SSH2: variants seen among roughly 807,000 people sequenced by gnomAD.
SSH2 encodes the protein protein phosphatase Slingshot homolog 2.
A neutral mutation model predicts 135.2 loss-of-function variants in SSH2; 37 were observed. The observed-to-expected ratio is 0.27, with a 90% CI of 0.21 to 0.36. The LOEUF (loss-of-function observed/expected upper bound fraction) is 0.36, where lower values mean the gene tolerates loss of function less well. Among genes scored for constraint, SSH2 ranks in the 10% least tolerant of loss-of-function variants. The pLI is 1.00. For missense variants in SSH2, 1,408 were observed against 1,765.3 expected, an observed-to-expected ratio of 0.80 and a Z score of 3.63; for synonymous variants, 628 against 646.2, an observed-to-expected ratio of 0.97 and a Z score of 0.43.
chr17:29,806,125 AGCATGCG>A (rs530345087), intron 2 of SSH2, among the ~76,000 whole-genome samples: 106 of 152,350 alleles, frequency 7.0e-4, no homozygotes, highest in African/African-American at 2.5e-3. Context: ...TGGGGCAGAC[AGCATGCG>A]GCACCCATCA....
At chr17:29,688,049 C>T (rs777458527) in intron 5 of SSH2, among the ~76,000 whole-genome samples, 1 of 150,284 alleles carries the variant, frequency 6.7e-6, no homozygotes, top group Non-Finnish European at 1.5e-5. Flanking sequence ...CTCACTCTAT[C>T]GCCCAGGCTG....
chr17:29,672,178 A>T, intron 8 of SSH2, 49 bp from the exon 9 acceptor site: 1 of 1,482,666 alleles, frequency 6.7e-7, no homozygotes, highest in Non-Finnish European at 9.3e-7. Flanking sequence ...GGGGTGCCAA[A>T]GGCCAATAAC....
At chr17:29,818,144 T>C (rs775334910) in intron 2 of SSH2, among the ~76,000 whole-genome samples, 3 of 152,250 alleles carry the variant, frequency 2.0e-5, no homozygotes, top group Middle Eastern at 6.8e-3. Context: ...ATAGTTGTTA[T>C]GCAGTATTTT....
intron 3 of SSH2, among the ~76,000 whole-genome samples, chr17:29,788,574 T>C (rs1253554759): frequency 2.0e-5 from 3 of 152,094 alleles, no homozygotes; most frequent in Non-Finnish European, 4.4e-5. Context: ...CTTTTCTTTC[T>C]TTCTTTCTCT....
At position 29,709,015 on chromosome 17, in the gene SSH2, T is replaced by TATATATAGAG. The variant is rs780981175; in HGVS notation, c.189-5954_189-5953insCTCTATATAT. 5.8e-3 allele frequency among the ~76,000 whole-genome samples: 475 copies of TATATATAGAG among 81,572 alleles called. 10 individuals are homozygous for TATATATAGAG. The highest frequency in any genetic ancestry group is 0.037 in the East Asian group (81 of 2,204). 53.5% of individuals were successfully genotyped at this position (81,572 alleles called of 152,430 possible). The stretch of plus-strand genomic sequence containing the variant: ...AGAAATATATATATATATATATATA[T>TATATATAGAG]AGAGAGAGAGAGAGAGAGAGAGAGA... On this transcript the variant is annotated intron_variant, in intron 3 of 15. Coordinates refer to ENST00000540801, the MANE Select transcript of SSH2 (RefSeq NM_001282129.2).
intron 3 of SSH2, among the ~76,000 whole-genome samples, chr17:29,739,273 G>C (rs1487994788): frequency 6.6e-6 from 1 of 152,152 alleles, no homozygotes; most frequent in Admixed American, 6.5e-5. Context: ...TCCTAGTCAG[G>C]GGTGGACTTG....
intron 3 of SSH2, among the ~76,000 whole-genome samples, chr17:29,782,525 C>T (rs149472610): frequency 4.3e-4 from 66 of 152,144 alleles, no homozygotes; most frequent in African/African-American, 1.2e-3. Flanking sequence ...TTTTTTTGTG[C>T]GAGACCAGAG....
intron 3 of SSH2, among the ~76,000 whole-genome samples, chr17:29,727,332 T>C (rs2040035698): frequency 6.6e-6 from 1 of 152,246 alleles, no homozygotes; most frequent in Non-Finnish European, 1.5e-5. Flanking sequence ...TTCATCTGTA[T>C]TACATTACAA....
intron 1 of SSH2, among the ~76,000 whole-genome samples, chr17:29,892,496 C>A (rs1318462618): frequency 1.3e-5 from 2 of 152,216 alleles, no homozygotes; most frequent in East Asian, 3.9e-4. Flanking sequence ...GGAATGTCAA[C>A]AGCCACCACT....
At chr17:29,863,810 T>TAG (rs1192855030) in intron 1 of SSH2, 3 of 152,212 alleles carry the variant, frequency 2.0e-5, no homozygotes, top group Non-Finnish European at 1.5e-5. Flanking sequence ...CCACATCTTC[T>TAG]ATGTCTGCAC....
intron 1 of SSH2, among the ~76,000 whole-genome samples, chr17:29,928,964 TTCTC>T (rs952832104): frequency 7.0e-4 from 107 of 152,316 alleles, no homozygotes; most frequent in Non-Finnish European, 1.8e-4. Flanking sequence ...CTCAGTTTAT[TTCTC>T]TCTAAAACAT....
intron 1 of SSH2, among the ~76,000 whole-genome samples, chr17:29,906,653 A>C (rs1207522010): frequency 6.6e-6 from 1 of 152,246 alleles, no homozygotes; most frequent in Non-Finnish European, 1.5e-5. Flanking sequence ...AAGAAACTTA[A>C]ACAAATTTAA....
intron 5 of SSH2, among the ~76,000 whole-genome samples, chr17:29,689,357 A>G (rs1361662670): frequency 2.0e-5 from 3 of 152,206 alleles, no homozygotes; most frequent in Non-Finnish European, 4.4e-5. Flanking sequence ...AATTTTGTAC[A>G]TAATATCCTA....
At chr17:29,690,908 C>T (rs1449381871) in intron 5 of SSH2, among the ~76,000 whole-genome samples, 3 of 151,744 alleles carry the variant, frequency 2.0e-5, no homozygotes, top group Admixed American at 1.3e-4. Context: ...TGCTCTTCCT[C>T]TCACTCTTTA....
At chr17:29,703,862 A>C (rs555665963) in intron 3 of SSH2, among the ~76,000 whole-genome samples, 2 of 152,348 alleles carry the variant, frequency 1.3e-5, no homozygotes, top group South Asian at 4.1e-4. Context: ...TACAGATGTG[A>C]GCCACTGCGC....
chr17:29,802,628 A>AAAAAAAAAAAGAAAAG (rs2042270770), intron 2 of SSH2, among the ~76,000 whole-genome samples: 1 of 151,548 alleles, frequency 6.6e-6, no homozygotes, highest in Non-Finnish European at 1.5e-5. Flanking sequence ...CAAAAAAAAA[A>AAAAAAAAAAAGAAAAG]AAAAAAAAAA....
At chr17:29,882,307 T>C (rs967597351) in intron 1 of SSH2, among the ~76,000 whole-genome samples, 1 of 152,200 alleles carries the variant, frequency 6.6e-6, no homozygotes, top group South Asian at 2.1e-4. Flanking sequence ...TCTCCCACTA[T>C]CATCACCATC....
intron 6 of SSH2, among the ~76,000 whole-genome samples, chr17:29,680,356 C>G (rs1223694063): frequency 1.3e-5 from 2 of 151,154 alleles, no homozygotes; most frequent in Admixed American, 1.3e-4. Context: ...ACCAGCCTGG[C>G]CAACATGGCG....
chr17:29,920,677 CAATT>C (rs1259979275), intron 1 of SSH2, among the ~76,000 whole-genome samples: 1 of 151,922 alleles, frequency 6.6e-6, no homozygotes, highest in African/African-American at 2.4e-5. Context: ...TAATTTCAGA[CAATT>C]AAAAGATATA....
Sources: allele counts gnomAD v4.1 joint callset (sites outside exome capture counted in the v4.1 genomes callset), GRCh38; gene constraint gnomAD v4.1.1; transcripts MANE v1.5; gene names NCBI Gene and HGNC (gene_info 2026-07-23, HGNC 2026-07-21).